MSRB3: variants seen among roughly 807,000 people sequenced by gnomAD.
MSRB3 encodes the protein methionine-R-sulfoxide reductase B3.
MSRB3 carries 13 observed loss-of-function variants against 21.0 expected under a neutral mutation model. The ratio of observed to expected loss-of-function variants is 0.62; its 90% CI spans 0.40 to 0.98. The LOEUF is 0.98. Ranked by LOEUF, MSRB3 falls within the 50% of genes least tolerant of loss-of-function variation. The pLI is 0.00. For synonymous variants in MSRB3, 87 were observed against 88.6 expected, an observed-to-expected ratio of 0.98 and a Z score of 0.10; for missense variants, 199 against 230.3, an observed-to-expected ratio of 0.86 and a Z score of 0.88.
At chr12:65,299,246 G>A (rs1284316384) in intron 1 of MSRB3, among the ~76,000 whole-genome samples, 1 of 152,130 alleles carries the variant, frequency 6.6e-6, no homozygotes, top group African/African-American at 2.4e-5. Flanking sequence ...TCACCTTTCT[G>A]TTTACCATTG....
At chr12:65,362,019 A>G (rs1306174382) in intron 4 of MSRB3, among the ~76,000 whole-genome samples, 1 of 152,212 alleles carries the variant, frequency 6.6e-6, no homozygotes, top group Non-Finnish European at 1.5e-5. Flanking sequence ...TAGCTAACTC[A>G]TAACCTACTG....
chr12:65,416,269 A>G (rs1880967602), intron 5 of MSRB3, among the ~76,000 whole-genome samples: 1 of 152,132 alleles, frequency 6.6e-6, no homozygotes, highest in Non-Finnish European at 1.5e-5. Flanking sequence ...GTGTACATAC[A>G]TCTCTTCTCC....
intron 5 of MSRB3, among the ~76,000 whole-genome samples, chr12:65,428,286 C>T (rs1881703707): frequency 6.6e-6 from 1 of 152,030 alleles, no homozygotes; most frequent in Non-Finnish European, 1.5e-5. Context: ...ACTGATCTTA[C>T]CAGTTATTTA....
intron 4 of MSRB3, among the ~76,000 whole-genome samples, chr12:65,365,248 G>T (rs1877942792): frequency 6.6e-6 from 1 of 152,144 alleles, no homozygotes; most frequent in African/African-American, 2.4e-5. Context: ...GCATGAGGAT[G>T]CATGAGACCC....
rs1874314129 is a variant in MSRB3 at position 65,316,574 on chromosome 12, T to G, written c.76+7919T>G. On this transcript the variant is annotated intron_variant, in intron 2 of 6. Coordinates refer to ENST00000308259, the MANE Select transcript of MSRB3 (RefSeq NM_001031679.3). ...AGGTGTTCAATAAATATTTGTTGGA[T>G]GAATGAATGCTTGTGAATAAGTAAC... Among the ~76,000 whole-genome samples, 2 of 152,198 alleles carry G rather than the reference T, an allele frequency of 1.3e-5. 1 individual carries two copies. Among genetic ancestry groups the G allele is most frequent in the Non-Finnish European group, 2.9e-5 (2 of 68,036 alleles).
chr12:65,380,683 C>G (rs1466814349), intron 5 of MSRB3, among the ~76,000 whole-genome samples: 2 of 152,132 alleles, frequency 1.3e-5, no homozygotes, highest in African/African-American at 4.8e-5. Context: ...ATGCTCTGTA[C>G]TAAGTGTTTA....
chr12:65,387,352 C>T lies in MSRB3; in HGVS notation c.292+18326C>T, dbSNP rs537992233. 8.5e-5 allele frequency among the ~76,000 whole-genome samples: 13 copies of T among 152,052 alleles called. No homozygotes were observed. The South Asian group carries it at 1.9e-3, about 22-fold the overall frequency. The stretch of plus-strand genomic sequence containing the variant: ...TTTCCCCCTTGGACACACTGACAGT[C>T]GCTGAGTGTTACTATTATCTTTTTT... On this transcript the variant is annotated intron_variant, in intron 5 of 6. Coordinates refer to ENST00000308259, the MANE Select transcript of MSRB3 (RefSeq NM_001031679.3).
At chr12:65,292,092 A>G (rs1404960718) in intron 1 of MSRB3, among the ~76,000 whole-genome samples, 1 of 152,196 alleles carries the variant, frequency 6.6e-6, no homozygotes, top group African/African-American at 2.4e-5. Context: ...AGAATCATCT[A>G]TACTATTCCA....
chr12:65,428,137 G>C (rs953821825), intron 5 of MSRB3, among the ~76,000 whole-genome samples: 5 of 152,140 alleles, frequency 3.3e-5, no homozygotes, highest in Non-Finnish European at 2.9e-5. Flanking sequence ...ATAATGGTTT[G>C]TTATTTCAGT....
chr12:65,371,697 A>G lies in MSRB3; in HGVS notation c.292+2671A>G, dbSNP rs765519282. 5.9e-5 allele frequency among the ~76,000 whole-genome samples: 9 copies of G among 152,290 alleles called. No individual in the cohort carries two copies. In the Middle Eastern group the frequency reaches 0.014, roughly 230 times the overall value. ...ACCGCACAACATTTTTAGTTTAGGT[A>G]AATGAGTTTTAGCCTGTGGAGTGAG... On this transcript the variant is annotated intron_variant, in intron 5 of 6. Transcript: ENST00000308259.
At chr12:65,342,426 A>T (rs1255930317) in intron 4 of MSRB3, among the ~76,000 whole-genome samples, 2 of 152,028 alleles carry the variant, frequency 1.3e-5, no homozygotes, top group East Asian at 3.8e-4. Flanking sequence ...AGGTAAAAAG[A>T]TGAATAATTT....
Position 65,427,411 on chromosome 12 carries a change from C to T in MSRB3, c.293-26317C>T, listed in dbSNP as rs185219495. Among the ~76,000 whole-genome samples the T allele has an allele frequency of 2.6e-5, 4 of 152,186 alleles. No homozygotes were observed. In the East Asian group the frequency reaches 5.8e-4, roughly 22 times the overall value. Reference sequence around the variant, plus strand: ...TAGTGGCAGTGGCAGTGAGGATTGTCCACAGTGGCAGTGAGGGTTTCTGAG... The same window carrying T: ...TAGTGGCAGTGGCAGTGAGGATTGTTCACAGTGGCAGTGAGGGTTTCTGAG... On this transcript the variant is annotated intron_variant, in intron 5 of 6. Coordinates refer to ENST00000308259, the MANE Select transcript of MSRB3 (RefSeq NM_001031679.3).
chr12:65,278,976 C>T (rs1871832035), intron 1 of MSRB3, 111 bp downstream of exon 1: 4 of 1,495,408 alleles, frequency 2.7e-6, no homozygotes, highest in Admixed American at 2.1e-5. Context: ...CTGCTGCGCC[C>T]CCTCGGCCAC....
At chr12:65,302,391 T>G (rs1873388352) in intron 1 of MSRB3, among the ~76,000 whole-genome samples, 1 of 152,204 alleles carries the variant, frequency 6.6e-6, no homozygotes, top group Admixed American at 6.5e-5. Context: ...AATTCTGTAA[T>G]TCTTAATTTC....
Position 65,344,030 on chromosome 12 carries a change from T to G in MSRB3, c.263+15427T>G, listed in dbSNP as rs902618565. The stretch of plus-strand genomic sequence containing the variant: ...AGCCTTAATTTCCTCGTTTGTAACA[T>G]GAGGATAATACCCTTGTCACAAGAA... On this transcript the variant is annotated intron_variant, in intron 4 of 6. Transcript: ENST00000308259. 2 of 152,198 alleles carry G rather than the reference T, an allele frequency of 1.3e-5. 1 individual carries two copies. The highest frequency in any genetic ancestry group is 1.3e-4 in the Admixed American group (2 of 15,252). 9.4% of individuals were successfully genotyped at this position (152,198 alleles called of 1,614,324 possible). A position where few individuals can be genotyped will look rare whatever the true frequency, so the allele number is the denominator to read the frequency against.
chr12:65,419,533 G>A (rs1434400002), intron 5 of MSRB3: 4 of 740,772 alleles, frequency 5.4e-6, no homozygotes, highest in Admixed American at 1.7e-5. Flanking sequence ...GACTCTAAAG[G>A]CATCAGCAGC....
At chr12:65,443,826 A>G in intron 5 of MSRB3, among the ~76,000 whole-genome samples, 1 of 152,138 alleles carries the variant, frequency 6.6e-6, no homozygotes, top group Non-Finnish European at 1.5e-5. Flanking sequence ...ATCCTGTAAA[A>G]AGGAAACTCT....
chr12:65,397,447 A>C (rs1419504888), intron 5 of MSRB3, among the ~76,000 whole-genome samples: 1 of 151,866 alleles, frequency 6.6e-6, no homozygotes, highest in Non-Finnish European at 1.5e-5. Context: ...TATCTACTAC[A>C]TCTGTCATTG....
In MSRB3 at chr12:65,279,128, A is replaced by G. The variant is rs1871846393; in HGVS notation, c.-52+263A>G. ...GGAGGCGTCTGGCAGCCTCACTGAC[A>G]CCTTATCCTGTCCCGGGAGCGAACC... is the stretch of plus-strand genomic sequence containing the variant. On this transcript the variant is annotated intron_variant, in intron 1 of 6. Coordinates refer to ENST00000308259, the MANE Select transcript of MSRB3 (RefSeq NM_001031679.3). 5 of 1,315,242 alleles carry G rather than the reference A, an allele frequency of 3.8e-6. No individual in the cohort carries two copies. The South Asian group carries it at 5.1e-5, about 13-fold the overall frequency. The allele number at this position is 1,315,242 out of a possible 1,614,324, so 81.5% of individuals were successfully genotyped here. A position where few individuals can be genotyped will look rare whatever the true frequency, so the allele number is the denominator to read the frequency against.
Sources: gnomAD v4.1 joint callset for allele counts (sites outside exome capture counted in the v4.1 genomes callset) on GRCh38, gnomAD v4.1.1 for gene constraint, MANE v1.5 for transcripts, NCBI Gene and HGNC (gene_info 2026-07-23, HGNC 2026-07-21) for gene names.